The following CCDC191 variants were observed in gnomAD, a reference collection of about 807,000 sequenced individuals.
The protein encoded by CCDC191 is coiled-coil domain containing 191, also known as coiled-coil domain-containing protein 191.
A neutral mutation model predicts 114.0 loss-of-function variants in CCDC191; 99 were observed. That is an observed-to-expected ratio of 0.87 (90% CI 0.74 to 1.03). CCDC191 has a LOEUF of 1.03. Among genes scored for constraint, CCDC191 ranks in the 50% least tolerant of loss-of-function variants. CCDC191 has a pLI of 0.00. For synonymous variants in CCDC191, 351 were observed against 376.0 expected (o/e 0.93, Z 0.77); for missense variants, 973 against 1,087.0 (o/e 0.90, Z 1.47).
chr3:114,053,544 G>C (rs1485505487), intron 2 of CCDC191, 53 bp downstream of exon 2: 1 of 1,077,078 alleles, frequency 9.3e-7, no homozygotes, highest in South Asian at 1.5e-5. Flanking sequence ...TTTTCCATCT[G>C]ATTATGCTTG....
chr3:114,052,416 A>ACT, intron 2 of CCDC191, among the ~76,000 whole-genome samples: 1 of 152,238 alleles, frequency 6.6e-6, no homozygotes, highest in Non-Finnish European at 1.5e-5. Flanking sequence ...TGGCACTGGG[A>ACT]CTCTCAACAC....
At chr3:114,042,680 A>G in intron 4 of CCDC191, 23 bp downstream of exon 4, 1 of 1,518,558 alleles carries the variant, frequency 6.6e-7, no homozygotes, top group Non-Finnish European at 8.8e-7. Context: ...GTTAAAACTT[A>G]GAACAATCAG....
At chr3:114,029,340 A>G (rs116403793) in intron 7 of CCDC191, among the ~76,000 whole-genome samples, 2,671 of 152,308 alleles carry the variant, frequency 0.018, 57 homozygotes, top group African/African-American at 0.059. Flanking sequence ...ATAAATATCA[A>G]TGAGCTCATA....
intron 16 of CCDC191, among the ~76,000 whole-genome samples, chr3:113,968,497 G>A (rs1268582295): frequency 6.6e-6 from 1 of 151,654 alleles, no homozygotes; most frequent in Non-Finnish European, 1.5e-5. Flanking sequence ...CGCCCAGGCT[G>A]GACTGTAGCA....
chr3:113,995,742 C>A (rs1023262936), intron 13 of CCDC191, among the ~76,000 whole-genome samples: 1 of 152,210 alleles, frequency 6.6e-6, no homozygotes, highest in African/African-American at 2.4e-5. Flanking sequence ...GTCCCACCAT[C>A]AGTGTAAAAG....
Position 114,036,611 on chromosome 3 carries a change from C to T in CCDC191, c.591G>A (p.Lys197=). ...TAATTTTGTTTTTCCCTCCCACCTG[C>T]TTATGTCTCATCTCCATGGTAAGAC... is the stretch of plus-strand genomic sequence containing the variant. ...DPRLTMEMRH[K]QVKENRLRRE... Residue 197 remains lysine, a synonymous_variant, in exon 5 of 17, where the codon AAG becomes AAA. Transcript: ENST00000295878. 1.3e-6 allele frequency: 2 copies of T among 1,593,054 alleles called. No individual in the cohort carries two copies. Among genetic ancestry groups the T allele is most frequent in the Non-Finnish European group, 1.7e-6 (2 of 1,169,638 alleles).
chr3:114,026,140 A>T (rs1311516602), intron 7 of CCDC191, among the ~76,000 whole-genome samples: 1 of 152,108 alleles, frequency 6.6e-6, no homozygotes, highest in Admixed American at 6.6e-5. Context: ...AAAAATAGGG[A>T]CCTCTGTAAT....
At chr3:114,002,713 T>C (rs2107659974) in intron 11 of CCDC191, 175 bp from the exon 12 acceptor site, 1 of 912,544 alleles carries the variant, frequency 1.1e-6, no homozygotes, top group African/African-American at 1.8e-5. Flanking sequence ...TTATATACTC[T>C]ACAGGTTAAA....
At position 114,005,867 on chromosome 3, in the gene CCDC191, C is replaced by A; in HGVS notation, c.1509G>T (p.Leu503Phe). The A allele has an allele frequency of 6.2e-7, 1 of 1,614,048 alleles. No individual in the cohort carries two copies. The highest frequency in any genetic ancestry group is 8.5e-7 in the Non-Finnish European group (1 of 1,179,962). The change falls in exon 10 of 17, where the codon TTG becomes TTT. Residue 503 changes from leucine to phenylalanine, a missense_variant. Transcript: ENST00000295878. ...PPLGRTTTGN[L>F]QGSLQNVSLS... ...GAGAGACATTCTGAAGGGAACCCTG[C>A]AAGTTGCCTGTTGTTGTTCTTCCCA...
chr3:113,990,361 A>C (rs1316532800), intron 13 of CCDC191, among the ~76,000 whole-genome samples: 1 of 152,126 alleles, frequency 6.6e-6, no homozygotes, highest in Non-Finnish European at 1.5e-5. Context: ...ATTTCCTGAA[A>C]TATACAAACT....
Position 113,978,932 on chromosome 3 carries a change from C to T in CCDC191, c.2386G>A (p.Ala796Thr). Reference protein sequence around the residue: ...TWFQRSQESLARKMAQADQFY... With the variant: ...TWFQRSQESLTRKMAQADQFY... The stretch of plus-strand genomic sequence containing the variant: ...TGATCAGCCTGGGCCATCTTTCTAG[C>T]CAGACTTTCCTGACTACGCTGGAAC... The change falls in exon 15 of 17, where the codon GCT becomes ACT. Residue 796 changes from alanine (A) to threonine (T), a missense_variant. By Grantham distance (58) the Ala-to-Thr change is moderately conservative (BLOSUM62 0). Coordinates refer to ENST00000295878, the MANE Select transcript of CCDC191 (RefSeq NM_020817.2). 2.5e-6 allele frequency: 4 copies of T among 1,614,022 alleles called. No homozygotes were observed. Among genetic ancestry groups the T allele is most frequent in the Non-Finnish European group, 3.4e-6 (4 of 1,179,936 alleles).
chr3:114,037,317 G>C (rs527798182), intron 4 of CCDC191, among the ~76,000 whole-genome samples: 1 of 152,156 alleles, frequency 6.6e-6, no homozygotes, highest in African/African-American at 2.4e-5. Flanking sequence ...GCCCTCCACT[G>C]TGCTCCAAGT....
chr3:114,031,768 C>T lies in CCDC191; in HGVS notation c.830G>A (p.Arg277Lys). The change falls in exon 7 of 17, where the codon AGG (arginine) becomes AAG (lysine). Residue 277 changes from arginine (R) to lysine (K), a missense_variant. Transcript: ENST00000295878. ...VKAAWKIEKK[R>K]QEENSQNSSE... is the part of the protein sequence containing the mutation. The stretch of plus-strand genomic sequence containing the variant: ...ACTATTTTGAGAATTCTCTTCTTGC[C>T]TTTTCTTCTCTCTATTAATAACAAT... The T allele has an allele frequency of 2.9e-6, 4 of 1,375,396 alleles. No individual in the cohort carries two copies. Among genetic ancestry groups the T allele is most frequent in the Non-Finnish European group, 4.1e-6 (4 of 974,114 alleles). 85.2% of individuals were successfully genotyped at this position (1,375,396 alleles called of 1,614,324 possible). A position where few individuals can be genotyped will look rare whatever the true frequency, so the allele number is the denominator to read the frequency against.
chr3:113,999,104 C>T (rs2075799722), intron 13 of CCDC191, among the ~76,000 whole-genome samples: 2 of 152,140 alleles, frequency 1.3e-5, no homozygotes, highest in African/African-American at 4.8e-5. Flanking sequence ...GTATCCAATA[C>T]ATGGCATGGT....
chr3:114,005,195 T>A (rs1326168549), intron 10 of CCDC191, among the ~76,000 whole-genome samples: 5 of 152,220 alleles, frequency 3.3e-5, no homozygotes, highest in Admixed American at 3.3e-4. Context: ...CTGACTTGGC[T>A]TCTCAGCACT....
chr3:114,004,620 C>T lies in CCDC191; in HGVS notation c.1978+17G>A. 3 of 1,609,698 alleles carry T rather than the reference C, an allele frequency of 1.9e-6. No homozygotes were observed. The highest frequency in any genetic ancestry group is 2.5e-6 in the Non-Finnish European group (3 of 1,177,666). On this transcript the variant is annotated intron_variant, in intron 11 of 16. Transcript: ENST00000295878. Reference sequence around the variant, plus strand: ...AGAAGATAACAACCACCAAGGCCACCACCGAGACAGCCCTGCCTTTTAGTA... The same window carrying T: ...AGAAGATAACAACCACCAAGGCCACTACCGAGACAGCCCTGCCTTTTAGTA...
Position 114,045,376 on chromosome 3 carries a change from T to A in CCDC191, c.271+1215A>T, listed in dbSNP as rs2107753550. 2.0e-5 allele frequency among the ~76,000 whole-genome samples: 3 copies of A among 152,248 alleles called. No individual in the cohort carries two copies. The South Asian group carries it at 6.2e-4, about 32-fold the overall frequency. On this transcript the variant is annotated intron_variant, in intron 3 of 16. Transcript: ENST00000295878. Reference sequence around the variant, plus strand: ...CATTCTTCCTATATTTAATTTATTATTTGTTTATTTATTGAGATGGAGTCT... The same window carrying A: ...CATTCTTCCTATATTTAATTTATTAATTGTTTATTTATTGAGATGGAGTCT...
chr3:114,009,221 T>C lies in CCDC191; in HGVS notation c.1413+1551A>G, dbSNP rs112604142. On this transcript the variant is annotated intron_variant, in intron 9 of 16. Coordinates refer to ENST00000295878, the MANE Select transcript of CCDC191 (RefSeq NM_020817.2). ...TAGTGCAGACTTCATAGACATTGTA[T>C]ACTTAGGCCACACTAAATTTATTAG... Among the ~76,000 whole-genome samples the C allele has an allele frequency of 5.0e-3, 761 of 152,286 alleles. 8 individuals are homozygous for C. Among genetic ancestry groups the C allele is most frequent in the African/African-American group, 0.017 (689 of 41,564 alleles).
At chr3:114,002,608 G>A (rs1400864090) in intron 11 of CCDC191, 70 bp from the exon 12 acceptor site, 2 of 1,361,282 alleles carry the variant, frequency 1.5e-6, no homozygotes, top group Non-Finnish European at 2.0e-6. Context: ...CAAGAGAAAT[G>A]TCTCCATTTC....
Sources: gnomAD v4.1 joint callset for allele counts (sites outside exome capture counted in the v4.1 genomes callset) on GRCh38, gnomAD v4.1.1 for gene constraint, MANE v1.5 for transcripts, NCBI Gene and HGNC (gene_info 2026-07-23, HGNC 2026-07-21) for gene names.